Variants in PTPRD observed in about 807,000 individuals in gnomAD.
PTPRD encodes receptor-type tyrosine-protein phosphatase delta.
PTPRD carries 34 observed loss-of-function variants against 214.5 expected under a neutral mutation model. The observed-to-expected ratio is 0.16, with a 90% CI of 0.12 to 0.21. The LOEUF is 0.21. PTPRD is among the 10% of genes least tolerant of loss of function. PTPRD has a pLI of 1.00. For synonymous variants in PTPRD, 1,128 were observed against 845.7 expected (o/e 1.33, Z -5.79); for missense variants, 2,545 against 2,398.7 (o/e 1.06, Z -1.27).
intron 14 of PTPRD, among the ~76,000 whole-genome samples, chr9:8,574,395 T>C (rs1371813804): frequency 6.6e-6 from 1 of 151,992 alleles, no homozygotes; most frequent in African/African-American, 2.4e-5. Context: ...AACATTTTAA[T>C]TCATGATGAT....
intron 9 of PTPRD, among the ~76,000 whole-genome samples, chr9:9,221,538 T>A (rs1593907696): frequency 6.6e-6 from 1 of 152,128 alleles, no homozygotes; most frequent in Non-Finnish European, 1.5e-5. Context: ...TGGAGAGGGC[T>A]CTCTTTCTGG....
intron 5 of PTPRD, among the ~76,000 whole-genome samples, chr9:9,864,305 TAAGAAA>T (rs1379617933): frequency 2.0e-5 from 3 of 150,020 alleles, no homozygotes; most frequent in African/African-American, 5.0e-5. Flanking sequence ...GACTCAGTCT[TAAGAAA>T]AAGAAAAAGA....
intron 3 of PTPRD, among the ~76,000 whole-genome samples, chr9:10,164,212 T>A (rs749543866): frequency 2.6e-5 from 4 of 151,482 alleles, no homozygotes; most frequent in African/African-American, 7.2e-5. Flanking sequence ...TATCTTCAGG[T>A]TTTCATTTCC....
At chr9:9,991,656 C>T (rs181297693) in intron 4 of PTPRD, among the ~76,000 whole-genome samples, 6 of 152,212 alleles carry the variant, frequency 3.9e-5, no homozygotes, top group Admixed American at 2.6e-4. Flanking sequence ...CCACTGTGCC[C>T]GGCCCAGCCC....
chr9:8,400,919 T>G (rs2130124043), intron 36 of PTPRD, among the ~76,000 whole-genome samples: 1 of 152,312 alleles, frequency 6.6e-6, no homozygotes, highest in African/African-American at 2.4e-5. Context: ...AGATTACCAC[T>G]AAGAAAACTG....
chr9:8,883,233 A>G (rs1009455759), intron 11 of PTPRD, among the ~76,000 whole-genome samples: 2 of 152,258 alleles, frequency 1.3e-5, no homozygotes, highest in African/African-American at 4.8e-5. Flanking sequence ...TGGTGGTTAA[A>G]TAATGTTAAC....
intron 10 of PTPRD, among the ~76,000 whole-genome samples, chr9:9,028,368 G>C (rs111298522): frequency 4.6e-5 from 7 of 151,816 alleles, no homozygotes; most frequent in Non-Finnish European, 1.5e-5. Flanking sequence ...ATTATAGCAG[G>C]TCACCTGACT....
intron 7 of PTPRD, among the ~76,000 whole-genome samples, chr9:9,727,678 A>C (rs944940918): frequency 6.6e-6 from 1 of 152,126 alleles, no homozygotes; most frequent in Non-Finnish European, 1.5e-5. Flanking sequence ...TTTTTGCTTA[A>C]TGCCAAAGAA....
intron 11 of PTPRD, among the ~76,000 whole-genome samples, chr9:9,017,310 A>C (rs1416534079): frequency 6.6e-6 from 1 of 152,106 alleles, no homozygotes; most frequent in Non-Finnish European, 1.5e-5. Flanking sequence ...CATTCTTTGG[A>C]TAGAAAAACT....
At chr9:8,944,722 A>T (rs574131707) in intron 11 of PTPRD, among the ~76,000 whole-genome samples, 1 of 152,248 alleles carries the variant, frequency 6.6e-6, no homozygotes, top group South Asian at 2.1e-4. Flanking sequence ...TCATGGAGAT[A>T]GGATGACGGT....
At chr9:10,438,965 C>T (rs571776151) in intron 2 of PTPRD, among the ~76,000 whole-genome samples, 14 of 151,804 alleles carry the variant, frequency 9.2e-5, no homozygotes, top group South Asian at 4.1e-4. Context: ...TGTGTATCCA[C>T]GCTTTTTGTT....
At chr9:9,862,388 C>T (rs1247900532) in intron 5 of PTPRD, among the ~76,000 whole-genome samples, 1 of 152,220 alleles carries the variant, frequency 6.6e-6, no homozygotes, top group African/African-American at 2.4e-5. Context: ...CTGTAACTAA[C>T]TGCCGTATAT....
intron 8 of PTPRD, among the ~76,000 whole-genome samples, chr9:9,450,572 CAT>C (rs1233144363): frequency 6.6e-6 from 1 of 151,790 alleles, no homozygotes; most frequent in Non-Finnish European, 1.5e-5. Flanking sequence ...ATAAGAAAGA[CAT>C]ATGTAAATTC....
At chr9:9,391,253 G>A (rs1355143812) in intron 9 of PTPRD, among the ~76,000 whole-genome samples, 1 of 152,096 alleles carries the variant, frequency 6.6e-6, no homozygotes, top group Non-Finnish European at 1.5e-5. Flanking sequence ...AATAATTTGT[G>A]TAGCCAGTTT....
intron 11 of PTPRD, among the ~76,000 whole-genome samples, chr9:8,952,196 T>A (rs1407928241): frequency 6.6e-6 from 1 of 151,982 alleles, no homozygotes; most frequent in Non-Finnish European, 1.5e-5. Context: ...CTTTGTTTTG[T>A]TCACTTCTAC....
chr9:10,029,210 G>A (rs769640090), intron 4 of PTPRD, among the ~76,000 whole-genome samples: 1 of 152,196 alleles, frequency 6.6e-6, no homozygotes, highest in Non-Finnish European at 1.5e-5. Context: ...CCAGAAAGAA[G>A]TTTGCTGCAG....
intron 7 of PTPRD, among the ~76,000 whole-genome samples, chr9:9,587,931 G>T (rs1298119776): frequency 3.3e-5 from 5 of 151,846 alleles, no homozygotes; most frequent in Admixed American, 6.6e-5. Context: ...TTTTAATGTT[G>T]GTTAGCCGAC....
At chr9:8,824,433 C>T (rs7864670) in intron 11 of PTPRD, among the ~76,000 whole-genome samples, 51,936 of 151,962 alleles carry the variant, frequency 0.34, 9,622 homozygotes, top group Middle Eastern at 0.47. Flanking sequence ...AGAAGAGCTT[C>T]GTTAGAAAGT....
chr9:8,802,936 C>T (rs1232950339), intron 11 of PTPRD, among the ~76,000 whole-genome samples: 1 of 152,020 alleles, frequency 6.6e-6, no homozygotes, highest in East Asian at 1.9e-4. Context: ...CCTGTAGTCT[C>T]AGCTACTTGG....
Sources: gnomAD v4.1 joint callset for allele counts (sites outside exome capture counted in the v4.1 genomes callset) on GRCh38, gnomAD v4.1.1 for gene constraint, MANE v1.5 for transcripts, NCBI Gene and HGNC (gene_info 2026-07-23, HGNC 2026-07-21) for gene names.